ANKRD6: variants seen among roughly 807,000 people sequenced by gnomAD.
ANKRD6 encodes the protein ankyrin repeat domain 6, also known as ankyrin repeat domain-containing protein 6.
ANKRD6 carries 56 observed loss-of-function variants against 82.3 expected under a neutral mutation model. That is an observed-to-expected ratio of 0.68 (90% CI 0.55 to 0.85). The LOEUF is 0.85. ANKRD6 is among the 40% of genes least tolerant of loss of function. ANKRD6 has a pLI of 0.00. For synonymous variants in ANKRD6, 347 were observed against 352.1 expected, an observed-to-expected ratio of 0.99 and a Z score of 0.16; for missense variants, 852 against 907.6, an observed-to-expected ratio of 0.94 and a Z score of 0.79.
At chr6:89,501,986 G>A (rs1779322105) in intron 1 of ANKRD6, among the ~76,000 whole-genome samples, 2 of 152,210 alleles carry the variant, frequency 1.3e-5, no homozygotes, top group Admixed American at 6.5e-5. Flanking sequence ...CCAGCTGAAA[G>A]TGCTGGTGGG....
intron 1 of ANKRD6, among the ~76,000 whole-genome samples, chr6:89,540,425 T>G (rs895452604): frequency 1.3e-5 from 2 of 152,252 alleles, no homozygotes; most frequent in African/African-American, 4.8e-5. Flanking sequence ...TATGTCTTCT[T>G]TTGAGAAATA....
At chr6:89,625,421 T>G (rs77853661) in intron 13 of ANKRD6, among the ~76,000 whole-genome samples, 27,145 of 152,122 alleles carry the variant, frequency 0.18, 2,480 homozygotes, top group East Asian at 0.22. Flanking sequence ...TCCCAACTTT[T>G]TATTTTAAAA....
intron 2 of ANKRD6, among the ~76,000 whole-genome samples, chr6:89,588,116 A>C (rs1029960504): frequency 6.6e-6 from 1 of 152,188 alleles, no homozygotes; most frequent in African/African-American, 2.4e-5. Flanking sequence ...GGGCACTTAG[A>C]AAAGTTGGTG....
chr6:89,629,100 T>TG lies in ANKRD6; in HGVS notation c.1486-12_1486-11insG, dbSNP rs769084482. 6.2e-6 allele frequency: 10 copies of TG among 1,604,322 alleles called. No individual in the cohort carries two copies. The highest frequency in any genetic ancestry group is 2.7e-5 in the African/African-American group (2 of 74,040). On this transcript the variant is annotated splice_polypyrimidine_tract_variant and intron_variant, in intron 14 of 15. Coordinates refer to ENST00000339746, the MANE Select transcript of ANKRD6 (RefSeq NM_001242809.2). ...TATGTACTTATTTGTGGGGTTTGTT[T>TG]TTTTTTTTAAGATATCCTTGGTGGA... is the stretch of plus-strand genomic sequence containing the variant.
chr6:89,514,571 A>G (rs1184166168), intron 1 of ANKRD6, among the ~76,000 whole-genome samples: 1 of 152,218 alleles, frequency 6.6e-6, no homozygotes, highest in Non-Finnish European at 1.5e-5. Flanking sequence ...TATCCTCAAA[A>G]GACTGTCATA....
intron 1 of ANKRD6, among the ~76,000 whole-genome samples, chr6:89,534,692 A>G (rs1024158422): frequency 2.0e-5 from 3 of 152,214 alleles, no homozygotes; most frequent in Non-Finnish European, 4.4e-5. Flanking sequence ...AGTGGTGAGC[A>G]TTAACAGGGT....
chr6:89,611,674 A>G (rs1430495589), intron 5 of ANKRD6, among the ~76,000 whole-genome samples: 3 of 152,276 alleles, frequency 2.0e-5, no homozygotes, highest in African/African-American at 7.2e-5. Flanking sequence ...ACTGCCTGAA[A>G]GGCAGGGCCT....
chr6:89,452,893 A>C (rs1045510788), intron 1 of ANKRD6, among the ~76,000 whole-genome samples: 1 of 152,204 alleles, frequency 6.6e-6, no homozygotes, highest in African/African-American at 2.4e-5. Context: ...CTGCCAAGTA[A>C]CTTTCTGTGG....
At position 89,539,414 on chromosome 6, in the gene ANKRD6, G is replaced by A. The variant is rs1337823442; in HGVS notation, c.-143-27420G>A. Among the ~76,000 whole-genome samples the A allele has an allele frequency of 2.0e-5, 3 of 152,124 alleles. No homozygotes were observed. The East Asian group carries it at 5.8e-4, about 29-fold the overall frequency. ...AACCCAGTTTAGGATTAATAGGCTA[G>A]AAGAAAACATTAAAAATTTTTAATA... On this transcript the variant is annotated intron_variant, in intron 1 of 15. Coordinates refer to ENST00000339746, the MANE Select transcript of ANKRD6 (RefSeq NM_001242809.2).
rs1248617226 is a variant in ANKRD6, at chr6:89,632,412, T to TGAA, written c.*1409_*1411dup. ...ATGTCACTGTTACCTGAATATGGAA[T>TGAA]GAATTTGATGTTTTTTATTTTGTTG... is the stretch of plus-strand genomic sequence containing the variant. On this transcript the variant is annotated 3_prime_UTR_variant, in exon 16 of 16. Coordinates refer to ENST00000339746, the MANE Select transcript of ANKRD6 (RefSeq NM_001242809.2). 6.6e-6 allele frequency: 1 copy of TGAA among 152,096 alleles called. No homozygotes were observed. The highest frequency in any genetic ancestry group is 1.5e-5 in the Non-Finnish European group (1 of 68,036). 9.4% of individuals were successfully genotyped at this position (152,096 alleles called of 1,614,324 possible).
At chr6:89,546,609 G>A (rs1005032600) in intron 1 of ANKRD6, among the ~76,000 whole-genome samples, 9 of 152,026 alleles carry the variant, frequency 5.9e-5, no homozygotes, top group Non-Finnish European at 2.9e-5. Flanking sequence ...GGCCATAGCC[G>A]TGCGCCACCA....
intron 1 of ANKRD6, among the ~76,000 whole-genome samples, chr6:89,546,248 T>C (rs1785078608): frequency 1.3e-5 from 2 of 152,184 alleles, no homozygotes; most frequent in African/African-American, 2.4e-5. Context: ...AACCTAAATT[T>C]ATATGACTCT....
At position 89,521,569 on chromosome 6, in the gene ANKRD6, C is replaced by T. The variant is rs935847049; in HGVS notation, c.-143-45265C>T. Among the ~76,000 whole-genome samples, 4 of 152,294 alleles carry T rather than the reference C, an allele frequency of 2.6e-5. 1 individual carries two copies. The South Asian group carries it at 6.2e-4, about 24-fold the overall frequency. On this transcript the variant is annotated intron_variant, in intron 1 of 15. Transcript: ENST00000339746. ...TCAGATTTATGTTTTTAAAAGAGAACTGTGGCCTCAATGAGAAGAAGCCAC... is the reference window on the plus strand; with the variant it reads ...TCAGATTTATGTTTTTAAAAGAGAATTGTGGCCTCAATGAGAAGAAGCCAC...
chr6:89,582,093 G>A (rs1792668491), intron 2 of ANKRD6, among the ~76,000 whole-genome samples: 1 of 152,292 alleles, frequency 6.6e-6, no homozygotes, highest in African/African-American at 2.4e-5. Flanking sequence ...CTAATTCTGA[G>A]AAAGTTATAA....
intron 1 of ANKRD6, among the ~76,000 whole-genome samples, chr6:89,468,079 A>G (rs919626934): frequency 1.3e-5 from 2 of 152,188 alleles, no homozygotes; most frequent in Admixed American, 6.5e-5. Context: ...TCTTCCAGAA[A>G]GAAATTAGGC....
At chr6:89,512,947 T>G (rs1021997582) in intron 1 of ANKRD6, among the ~76,000 whole-genome samples, 1 of 152,046 alleles carries the variant, frequency 6.6e-6, no homozygotes. Context: ...TTTTAAGAGA[T>G]AATGTCTTGC....
At chr6:89,605,921 G>T (rs976990658) in intron 4 of ANKRD6, 86 bp from the exon 5 acceptor site, 6 of 941,346 alleles carry the variant, frequency 6.4e-6, no homozygotes, top group Non-Finnish European at 9.0e-6. Context: ...CTGGTGTTCC[G>T]TAAAAATCCA....
intron 1 of ANKRD6, among the ~76,000 whole-genome samples, chr6:89,459,690 A>T (rs569608040): frequency 2.6e-4 from 40 of 152,202 alleles, no homozygotes; most frequent in African/African-American, 9.4e-4. Context: ...ATTTTTAGAG[A>T]TAGAGTCTTG....
Position 89,570,053 on chromosome 6 carries a change from A to ATG in ANKRD6, c.120+2963_120+2964dup, listed in dbSNP as rs1170562125. ...ATTTATGTTATACTCGTGTGTGTGT[A>ATG]TGTGTGTATATGTGTGTGTGTGTGT... On this transcript the variant is annotated intron_variant, in intron 2 of 15. Transcript: ENST00000339746. 5.6e-4 allele frequency among the ~76,000 whole-genome samples: 46 copies of ATG among 82,080 alleles called. 1 individual carries two copies. Among genetic ancestry groups the ATG allele is most frequent in the African/African-American group, 1.5e-3 (35 of 23,030 alleles). 53.8% of individuals were successfully genotyped at this position (82,080 alleles called of 152,430 possible).
Sources: allele counts gnomAD v4.1 joint callset (sites outside exome capture counted in the v4.1 genomes callset), GRCh38; gene constraint gnomAD v4.1.1; transcripts MANE v1.5; gene names NCBI Gene and HGNC (gene_info 2026-07-23, HGNC 2026-07-21).